CGNL1: variants seen among roughly 807,000 people sequenced by gnomAD.
CGNL1 encodes cingulin like 1, also known as cingulin-like protein 1.
Under a neutral mutation model 141.2 loss-of-function variants are expected in CGNL1, and 132 were observed. That is an observed-to-expected ratio of 0.93 (90% confidence interval 0.81 to 1.08). CGNL1 has a LOEUF of 1.08. CGNL1 is among the 50% of genes least tolerant of loss of function. The probability of loss-of-function intolerance (pLI) is 0.00; values close to 1 mark genes in which losing one functional copy is unlikely to be tolerated. For missense variants in CGNL1, 1,870 were observed against 1,588.6 expected (o/e 1.18, Z -3.01); for synonymous variants, 690 against 622.1 (o/e 1.11, Z -1.63).
At chr15:57,441,987 G>A (rs1370949846) in intron 3 of CGNL1, among the ~76,000 whole-genome samples, 2 of 151,922 alleles carry the variant, frequency 1.3e-5, no homozygotes, top group African/African-American at 4.8e-5. Context: ...GTGTGTGAGA[G>A]AGATATACAC....
chr15:57,397,458 G>A (rs868656105), intron 1 of CGNL1, among the ~76,000 whole-genome samples: 2 of 152,034 alleles, frequency 1.3e-5, no homozygotes, highest in African/African-American at 4.8e-5. Context: ...CTCATCTTGC[G>A]AATTACTAAG....
intron 12 of CGNL1, among the ~76,000 whole-genome samples, chr15:57,526,989 C>G (rs1209156977): frequency 2.0e-5 from 3 of 152,172 alleles, no homozygotes; most frequent in South Asian, 4.2e-4. Flanking sequence ...CTCATAATAG[C>G]TTTAGAAGGC....
chr15:57,452,279 A>C lies in CGNL1; in HGVS notation c.2044A>C (p.Asn682His). ...LEESEGELRKNLEELFQVKME... is the reference protein window; with the variant it reads ...LEESEGELRKHLEELFQVKME... ...AGAAAGTGAAGGGGAGCTCCGGAAG[A>C]ATCTGGAGGAGTAAGTTCTGGGCTG... Residue 682 changes from asparagine (N) to histidine (H), a missense_variant, in exon 6 of 19, where the codon AAT (asparagine) becomes CAT (histidine). By Grantham distance (68) the Asn-to-His change is moderately conservative. Coordinates refer to ENST00000281282, the MANE Select transcript of CGNL1 (RefSeq NM_032866.5). The C allele has an allele frequency of 6.2e-7, 1 of 1,613,590 alleles. No individual in the cohort carries two copies. Among genetic ancestry groups the C allele is most frequent in the Non-Finnish European group, 8.5e-7 (1 of 1,179,722 alleles).
intron 12 of CGNL1, chr15:57,527,182 T>C (rs540979969): frequency 1.3e-5 from 2 of 152,296 alleles, no homozygotes; most frequent in African/African-American, 4.8e-5. Context: ...TGGTAACCAC[T>C]AAAACCAGAT....
chr15:57,467,272 A>G (rs1021130485), intron 8 of CGNL1, among the ~76,000 whole-genome samples: 1 of 152,216 alleles, frequency 6.6e-6, no homozygotes, highest in South Asian at 2.1e-4. Flanking sequence ...AGGAATCCCT[A>G]TAGGAGACCC....
chr15:57,399,356 C>A (rs1408046586), intron 1 of CGNL1, among the ~76,000 whole-genome samples: 2 of 152,234 alleles, frequency 1.3e-5, no homozygotes, highest in Non-Finnish European at 2.9e-5. Flanking sequence ...ATTCCACTCT[C>A]TACTTCTTCA....
chr15:57,531,600 C>G, intron 13 of CGNL1, 90 bp from the exon 14 acceptor site: 1 of 801,240 alleles, frequency 1.2e-6, no homozygotes, highest in Admixed American at 1.9e-5. Context: ...CTCTCATTTG[C>G]CCTTAGGATT....
At chr15:57,544,058 A>C (rs527583762) in intron 15 of CGNL1, among the ~76,000 whole-genome samples, 1 of 152,352 alleles carries the variant, frequency 6.6e-6, no homozygotes, top group East Asian at 1.9e-4. Context: ...CACGTCATCA[A>C]ACACATGAGT....
intron 1 of CGNL1, among the ~76,000 whole-genome samples, chr15:57,412,921 G>A (rs1389976361): frequency 2.6e-5 from 4 of 151,926 alleles, no homozygotes; most frequent in Non-Finnish European, 4.4e-5. Context: ...GTACAGTGGC[G>A]CGATCTCGGC....
intron 8 of CGNL1, among the ~76,000 whole-genome samples, chr15:57,504,120 T>A (rs10851615): frequency 6.6e-6 from 1 of 152,032 alleles, no homozygotes; most frequent in Non-Finnish European, 1.5e-5. Context: ...AGCAGGGTGA[T>A]GATGATGATA....
At chr15:57,455,018 A>G (rs181169454) in intron 7 of CGNL1, among the ~76,000 whole-genome samples, 2 of 152,284 alleles carry the variant, frequency 1.3e-5, no homozygotes, top group Admixed American at 1.3e-4. Context: ...CCATGTATAT[A>G]TAATATAAGG....
At chr15:57,499,520 G>A (rs537578275) in intron 8 of CGNL1, among the ~76,000 whole-genome samples, 2 of 152,138 alleles carry the variant, frequency 1.3e-5, no homozygotes, top group African/African-American at 2.4e-5. Context: ...TTACAGGCGT[G>A]AGCCACCGTA....
At chr15:57,485,677 GA>G (rs1271358075) in intron 8 of CGNL1, among the ~76,000 whole-genome samples, 1 of 152,182 alleles carries the variant, frequency 6.6e-6, no homozygotes, top group African/African-American at 2.4e-5. Context: ...ACAAATGATA[GA>G]AAAAGCTTGC....
chr15:57,398,118 A>G (rs960099529), intron 1 of CGNL1, among the ~76,000 whole-genome samples: 3 of 152,200 alleles, frequency 2.0e-5, no homozygotes, highest in Non-Finnish European at 2.9e-5. Context: ...TTTTAATTGT[A>G]ATGAGAAAAA....
intron 18 of CGNL1, among the ~76,000 whole-genome samples, chr15:57,546,720 G>C (rs1177327290): frequency 6.6e-6 from 1 of 152,184 alleles, no homozygotes; most frequent in East Asian, 1.9e-4. Context: ...ATGCAGGGTT[G>C]GGGACTTTGT....
chr15:57,489,163 T>C (rs1225139986), intron 8 of CGNL1, among the ~76,000 whole-genome samples: 1 of 152,252 alleles, frequency 6.6e-6, no homozygotes, highest in East Asian at 1.9e-4. Flanking sequence ...GGTTAGATGG[T>C]GAATCCAGTT....
Position 57,452,290 on chromosome 15 carries a change from G to A in CGNL1, c.2054+1G>A. 3.7e-6 allele frequency: 6 copies of A among 1,613,106 alleles called. No homozygotes were observed. The highest frequency in any genetic ancestry group is 5.1e-6 in the Non-Finnish European group (6 of 1,179,490). ...GGGAGCTCCGGAAGAATCTGGAGGA[G>A]TAAGTTCTGGGCTGAGAGCCTGTTG... On this transcript the variant is annotated splice_donor_variant, in intron 6 of 18. Coordinates refer to ENST00000281282, the MANE Select transcript of CGNL1 (RefSeq NM_032866.5). LOFTEE classifies it high-confidence loss of function.
Position 57,547,585 on chromosome 15 carries a change from A to C in CGNL1, c.*95A>C. The C allele has an allele frequency of 9.8e-6, 14 of 1,423,638 alleles. No homozygotes were observed. In the South Asian group the frequency reaches 1.6e-4, roughly 16 times the overall value. The allele number at this position is 1,423,638 out of a possible 1,614,324, so 88.2% of individuals were successfully genotyped here. On this transcript the variant is annotated 3_prime_UTR_variant, in exon 19 of 19. Transcript: ENST00000281282. Reference sequence around the variant, plus strand: ...GGAGGGGAGCATCTGTCTGCCACTGAGACCAATCACAGCCTCTTTGCACAG... The same window carrying C: ...GGAGGGGAGCATCTGTCTGCCACTGCGACCAATCACAGCCTCTTTGCACAG...
At chr15:57,391,980 C>CG (rs113767713) in intron 1 of CGNL1, among the ~76,000 whole-genome samples, 12 of 151,610 alleles carry the variant, frequency 7.9e-5, no homozygotes, top group Non-Finnish European at 1.5e-4. Flanking sequence ...CTTTCCCCCC[C>CG]CTCACCTGAC....
Sources: allele counts gnomAD v4.1 joint callset (sites outside exome capture counted in the v4.1 genomes callset), GRCh38; gene constraint gnomAD v4.1.1; transcripts MANE v1.5; gene names NCBI Gene and HGNC (gene_info 2026-07-23, HGNC 2026-07-21).